The following USP34 variants were observed in gnomAD, a reference collection of about 807,000 sequenced individuals.
The protein encoded by USP34 is ubiquitin specific peptidase 34.
Under a neutral mutation model 460.3 loss-of-function variants are expected in USP34, and 70 were observed. The observed-to-expected ratio is 0.15, with a 90% CI of 0.13 to 0.19. The LOEUF (loss-of-function observed/expected upper bound fraction) is 0.19, where lower values mean the gene tolerates loss of function less well. Ranked by LOEUF, USP34 falls within the 10% of genes least tolerant of loss-of-function variation. The probability of loss-of-function intolerance (pLI) is 1.00; values close to 1 mark genes in which losing one functional copy is unlikely to be tolerated. For synonymous variants in USP34, 1,647 were observed against 1,405.3 expected (o/e 1.17, Z -3.85); for missense variants, 3,985 against 4,236.2 (o/e 0.94, Z 1.65).
intron 1 of USP34, among the ~76,000 whole-genome samples, chr2:61,468,547 G>C (rs1250555998): frequency 6.6e-6 from 1 of 152,146 alleles, no homozygotes; most frequent in Non-Finnish European, 1.5e-5. Context: ...CTTTTAAATT[G>C]AGCCTCAAAG....
At chr2:61,209,174 T>C (rs1359915292) in intron 69 of USP34, among the ~76,000 whole-genome samples, 197 bp from the exon 70 acceptor site, 2 of 152,234 alleles carry the variant, frequency 1.3e-5, no homozygotes, top group African/African-American at 2.4e-5. Context: ...AAAAAAAGTC[T>C]ATTAATATCT....
chr2:61,306,604 A>C (rs1690412687), intron 27 of USP34, among the ~76,000 whole-genome samples: 1 of 152,178 alleles, frequency 6.6e-6, no homozygotes, highest in Non-Finnish European at 1.5e-5. Context: ...CTGTGAAGAA[A>C]GTCATTGGTA....
chr2:61,421,951 TA>T (rs1213547251), intron 1 of USP34, among the ~76,000 whole-genome samples: 2 of 151,640 alleles, frequency 1.3e-5, no homozygotes, highest in Admixed American at 6.6e-5. Flanking sequence ...AAAAGGGGTT[TA>T]AAAAAAAATT....
intron 1 of USP34, among the ~76,000 whole-genome samples, chr2:61,430,140 G>A (rs1007816439): frequency 1.3e-5 from 2 of 150,996 alleles, no homozygotes; most frequent in East Asian, 1.9e-4. Context: ...GCGTGGACCC[G>A]AGAGGCGGAA....
chr2:61,330,666 C>A (rs1310175141), intron 20 of USP34, among the ~76,000 whole-genome samples: 1 of 152,122 alleles, frequency 6.6e-6, no homozygotes, highest in Non-Finnish European at 1.5e-5. Context: ...AATCAGCTCA[C>A]CAGCAGAAAT....
intron 21 of USP34, among the ~76,000 whole-genome samples, chr2:61,322,803 C>T (rs1247024695): frequency 6.6e-6 from 1 of 152,008 alleles, no homozygotes; most frequent in Non-Finnish European, 1.5e-5. Context: ...TATAAATAAA[C>T]CCAAAACAAT....
intron 5 of USP34, among the ~76,000 whole-genome samples, chr2:61,392,198 G>C (rs562179826): frequency 1.4e-4 from 21 of 152,282 alleles, no homozygotes; most frequent in Non-Finnish European, 1.9e-4. Flanking sequence ...CAGGCGTGGT[G>C]ACATGCACCT....
At chr2:61,405,362 A>T (rs1312506275) in intron 3 of USP34, among the ~76,000 whole-genome samples, 1 of 152,136 alleles carries the variant, frequency 6.6e-6, no homozygotes, top group East Asian at 1.9e-4. Context: ...TGATCTGTAG[A>T]CTGTTTCTAA....
At chr2:61,388,825 C>T (rs953765242) in intron 5 of USP34, among the ~76,000 whole-genome samples, 1 of 151,782 alleles carries the variant, frequency 6.6e-6, no homozygotes, top group Non-Finnish European at 1.5e-5. Flanking sequence ...AAGACATTTA[C>T]TTCTAGATAT....
chr2:61,225,960 T>C (rs1419299265), intron 62 of USP34, among the ~76,000 whole-genome samples: 1 of 152,144 alleles, frequency 6.6e-6, no homozygotes, highest in Non-Finnish European at 1.5e-5. Context: ...GGCCATTTTA[T>C]TTACTTATTT....
At position 61,320,636 on chromosome 2, in the gene USP34, G is replaced by A. The variant is rs1690887873; in HGVS notation, c.3014-1309C>T. Among the ~76,000 whole-genome samples, 4 of 152,244 alleles carry A rather than the reference G, an allele frequency of 2.6e-5. No individual in the cohort carries two copies. The South Asian group carries it at 8.3e-4, about 32-fold the overall frequency. ...ATCCAGCACTTTGGGAGGCTGAGGT[G>A]GGAGAATCACTTGTGGCCATGAGTT... On this transcript the variant is annotated intron_variant, in intron 21 of 79. Transcript: ENST00000398571.
At chr2:61,296,544 ACT>A (rs1351206883) in intron 30 of USP34, among the ~76,000 whole-genome samples, 1 of 152,240 alleles carries the variant, frequency 6.6e-6, no homozygotes, top group East Asian at 1.9e-4. Flanking sequence ...ATGAAAAAAC[ACT>A]AATATAAAAT....
At chr2:61,386,196 T>C (rs771410836) in intron 5 of USP34, among the ~76,000 whole-genome samples, 44 of 151,978 alleles carry the variant, frequency 2.9e-4, no homozygotes, top group Non-Finnish European at 5.9e-4. Flanking sequence ...TGATGAGGCA[T>C]GAGTCACCTG....
chr2:61,201,291 C>T (rs955395142), intron 75 of USP34, among the ~76,000 whole-genome samples: 2 of 149,164 alleles, frequency 1.3e-5, no homozygotes, highest in Non-Finnish European at 3.0e-5. Context: ...TCTCGGCTCA[C>T]GGCAACCTCC....
In USP34 at chr2:61,188,367, G is replaced by A; in HGVS notation, c.10376C>T (p.Ser3459Phe). The A allele has an allele frequency of 6.2e-7, 1 of 1,613,876 alleles. No homozygotes were observed. Among genetic ancestry groups the A allele is most frequent in the Non-Finnish European group, 8.5e-7 (1 of 1,180,028 alleles). Residue 3459 changes from serine to phenylalanine, a missense_variant, in exon 80 of 80, where the codon TCT becomes TTT. Around this residue, in one of 14 missense-constraint regions of USP34, gnomAD observed 506 missense variants for 439.0 expected, o/e 1.15. Transcript: ENST00000398571. ...CTCAGATTCTTCCTCAGCTAGGGTA[G>A]AATCCTTGGAACAGTGGAGGTCTTT... ...EFKDLHCSKD[S>F]TLAEEESEFP...
At chr2:61,439,546 C>A (rs1040932974) in intron 1 of USP34, among the ~76,000 whole-genome samples, 4 of 152,184 alleles carry the variant, frequency 2.6e-5, no homozygotes, top group Non-Finnish European at 5.9e-5. Context: ...GCTGAGCAGG[C>A]AGTCAGTGAG....
chr2:61,293,379 GC>G (rs1689922167), intron 33 of USP34, 84 bp downstream of exon 33: 5 of 1,018,822 alleles, frequency 4.9e-6, no homozygotes, highest in Non-Finnish European at 7.3e-6. Flanking sequence ...GAACTATATG[GC>G]AAAAGCTATA....
intron 5 of USP34, among the ~76,000 whole-genome samples, chr2:61,383,756 A>G (rs1472287780): frequency 6.6e-6 from 1 of 152,186 alleles, no homozygotes; most frequent in Non-Finnish European, 1.5e-5. Flanking sequence ...ATCATTTAGT[A>G]TTCTGCTGCC....
At chr2:61,465,560 T>C (rs115175593) in intron 1 of USP34, among the ~76,000 whole-genome samples, 2,370 of 152,260 alleles carry the variant, frequency 0.016, 62 homozygotes, top group African/African-American at 0.054. Flanking sequence ...CACAATTAAC[T>C]GGCCAGGCAT....
Sources: allele counts gnomAD v4.1 joint callset (sites outside exome capture counted in the v4.1 genomes callset), GRCh38; gene constraint gnomAD v4.1.1; regional missense constraint gnomAD v4.1.1; transcripts MANE v1.5; gene names NCBI Gene and HGNC (gene_info 2026-07-23, HGNC 2026-07-21).